Variants in ANKRD6 observed in about 807,000 individuals in gnomAD.
ANKRD6 encodes ankyrin repeat domain 6.
A neutral mutation model predicts 82.3 loss-of-function variants in ANKRD6; 56 were observed. That is an observed-to-expected ratio of 0.68 (90% CI 0.55 to 0.85). The LOEUF is 0.85. Ranked by LOEUF, ANKRD6 falls within the 40% of genes least tolerant of loss-of-function variation. The pLI, the probability that ANKRD6 is intolerant of heterozygous loss-of-function variation, is 0.00. For missense variants in ANKRD6, 852 were observed against 907.6 expected, an observed-to-expected ratio of 0.94 and a Z score of 0.79; for synonymous variants, 347 against 352.1, an observed-to-expected ratio of 0.99 and a Z score of 0.16.
chr6:89,564,619 C>A (rs886747193), intron 1 of ANKRD6, among the ~76,000 whole-genome samples: 3 of 152,130 alleles, frequency 2.0e-5, no homozygotes, highest in Non-Finnish European at 4.4e-5. Context: ...GGAGGCTGCA[C>A]AGCACTGCTG....
rs1807536305 is a variant in ANKRD6 at position 89,632,214 on chromosome 6, A to G, written c.*1210A>G. On this transcript the variant is annotated 3_prime_UTR_variant, in exon 16 of 16. Transcript: ENST00000339746. ...GACTATTGAACGTAATTGTAATAAA[A>G]TGCTGCTCATTGAGCCAAAGAGAAG... The G allele has an allele frequency of 6.6e-6, 1 of 152,210 alleles. No homozygotes were observed. The highest frequency in any genetic ancestry group is 2.4e-5 in the African/African-American group (1 of 41,460). 9.4% of individuals were successfully genotyped at this position (152,210 alleles called of 1,614,324 possible). A position where few individuals can be genotyped will look rare whatever the true frequency, so the allele number is the denominator to read the frequency against.
chr6:89,534,847 C>G (rs1783628392), intron 1 of ANKRD6, among the ~76,000 whole-genome samples: 1 of 152,158 alleles, frequency 6.6e-6, no homozygotes, highest in Non-Finnish European at 1.5e-5. Flanking sequence ...CTGTGGAGTT[C>G]AGGGAGAGAG....
chr6:89,541,387 CTTTTTTTTTTT>C (rs58643589), intron 1 of ANKRD6, among the ~76,000 whole-genome samples: 5 of 64,074 alleles, frequency 7.8e-5, no homozygotes, highest in African/African-American at 2.0e-4. Flanking sequence ...TTACGTGTGG[CTTTTTTTTTTT>C]TTTTTTTTTT....
chr6:89,612,155 G>A, intron 5 of ANKRD6, 117 bp from the exon 6 acceptor site: 1 of 855,816 alleles, frequency 1.2e-6, no homozygotes, highest in East Asian at 2.8e-5. Context: ...CGGGCAAGAG[G>A]CAGAGAATGT....
Position 89,454,281 on chromosome 6 carries a change from A to G in ANKRD6, c.-144+20906A>G, listed in dbSNP as rs1363435073. 2.0e-5 allele frequency among the ~76,000 whole-genome samples: 3 copies of G among 151,576 alleles called. No homozygotes were observed. The East Asian group carries it at 5.8e-4, about 30-fold the overall frequency. ...TGGTCAGCTATTTCTTCTATATGTA[A>G]CTCTGTTTACATTCTTTTCATATTT... On this transcript the variant is annotated intron_variant, in intron 1 of 15. Coordinates refer to ENST00000339746, the MANE Select transcript of ANKRD6 (RefSeq NM_001242809.2).
At chr6:89,538,510 AC>A (rs1480296022) in intron 1 of ANKRD6, among the ~76,000 whole-genome samples, 5 of 152,240 alleles carry the variant, frequency 3.3e-5, no homozygotes, top group Non-Finnish European at 5.9e-5. Context: ...AGAAGCATGC[AC>A]CATAATGTAA....
At chr6:89,611,149 T>C (rs1800137316) in intron 5 of ANKRD6, among the ~76,000 whole-genome samples, 1 of 150,682 alleles carries the variant, frequency 6.6e-6, no homozygotes, top group Admixed American at 6.6e-5. Context: ...ATAAGCAAAC[T>C]GGCCGCATCC....
At chr6:89,456,307 T>C (rs1211228029) in intron 1 of ANKRD6, among the ~76,000 whole-genome samples, 1 of 152,210 alleles carries the variant, frequency 6.6e-6, no homozygotes, top group East Asian at 1.9e-4. Context: ...TGTCACTCTC[T>C]ATCTTAGTTT....
chr6:89,608,973 A>C (rs1360345672), intron 5 of ANKRD6, among the ~76,000 whole-genome samples: 2 of 152,046 alleles, frequency 1.3e-5, no homozygotes, highest in Admixed American at 1.3e-4. Context: ...CCCCTAGAGC[A>C]CCTCCTGTGC....
Position 89,596,019 on chromosome 6 carries a change from G to A in ANKRD6, c.219+5G>A. 6.2e-7 allele frequency: 1 copy of A among 1,602,262 alleles called. No homozygotes were observed. Among genetic ancestry groups the A allele is most frequent in the South Asian group, 1.1e-5 (1 of 88,564 alleles). On this transcript the variant is annotated splice_donor_5th_base_variant and intron_variant, in intron 3 of 15. Transcript: ENST00000339746. ...GACCTTGATGTCCAGGATGATGTGA[G>A]TAGAAGCCATCATTCTATCAGGCTG...
intron 1 of ANKRD6, among the ~76,000 whole-genome samples, chr6:89,435,861 A>G (rs371980684): frequency 1.3e-5 from 2 of 152,208 alleles, no homozygotes; most frequent in South Asian, 2.1e-4. Flanking sequence ...TAACAACCCA[A>G]ATTCCTCTTC....
At chr6:89,610,837 G>A (rs544497081) in intron 5 of ANKRD6, among the ~76,000 whole-genome samples, 1 of 151,478 alleles carries the variant, frequency 6.6e-6, no homozygotes, top group African/African-American at 2.4e-5. Context: ...CAGGCCTGGG[G>A]TGATGGACTG....
At position 89,624,586 on chromosome 6, in the gene ANKRD6, G is replaced by A. The variant is rs1402711967; in HGVS notation, c.1266G>A (p.Glu422=). The A allele has an allele frequency of 6.4e-7, 1 of 1,558,678 alleles. No homozygotes were observed. Among genetic ancestry groups the A allele is most frequent in the South Asian group, 1.2e-5 (1 of 84,388 alleles). The change falls in exon 13 of 16, where the codon GAG becomes GAA. Residue 422 remains glutamate, a synonymous_variant. Coordinates refer to ENST00000339746, the MANE Select transcript of ANKRD6 (RefSeq NM_001242809.2). ...CRCEPLINKL[E]NQLEATVEEI... is the part of the protein sequence containing the mutation. ...GTGAACCTCTAATCAACAAGCTGGA[G>A]AATCAGTTGGAGGCTACTGTGGAGG...
chr6:89,478,798 A>AT (rs1562594608), intron 1 of ANKRD6, among the ~76,000 whole-genome samples: 3 of 151,682 alleles, frequency 2.0e-5, no homozygotes, highest in East Asian at 1.9e-4. Flanking sequence ...TTAAAAAAAA[A>AT]ATTTTTTTAA....
At chr6:89,549,445 A>G (rs1264691786) in intron 1 of ANKRD6, among the ~76,000 whole-genome samples, 1 of 151,136 alleles carries the variant, frequency 6.6e-6, no homozygotes, top group Non-Finnish European at 1.5e-5. Context: ...TGATACAACA[A>G]GAAGGCCCTT....
intron 6 of ANKRD6, among the ~76,000 whole-genome samples, chr6:89,612,934 G>A (rs1039835212): frequency 4.6e-5 from 7 of 152,180 alleles, no homozygotes; most frequent in South Asian, 4.1e-4. Flanking sequence ...ATAAATCTGA[G>A]GCTTCTTTCT....
chr6:89,493,062 A>T (rs1778192024), intron 1 of ANKRD6, among the ~76,000 whole-genome samples: 1 of 152,230 alleles, frequency 6.6e-6, no homozygotes, highest in African/African-American at 2.4e-5. Flanking sequence ...GTGTGAATAT[A>T]TGGCTCCATA....
At chr6:89,605,795 T>C (rs1322683785) in intron 4 of ANKRD6, among the ~76,000 whole-genome samples, 1 of 152,202 alleles carries the variant, frequency 6.6e-6, no homozygotes, top group Non-Finnish European at 1.5e-5. Flanking sequence ...TTCTCTTCTG[T>C]GCATCTAGAA....
rs189765046 is a variant in ANKRD6 at position 89,627,183 on chromosome 6, A to G, written c.1372-400A>G. On this transcript the variant is annotated intron_variant, in intron 13 of 15. Transcript: ENST00000339746. ...ATGATTCTCCTGCCTCAGCCTCCCA[A>G]GTAGCTGGGACTACAGGCATGTGCC... 3.2e-3 allele frequency among the ~76,000 whole-genome samples: 488 copies of G among 151,856 alleles called. 1 individual carries two copies. Among genetic ancestry groups the G allele is most frequent in the African/African-American group, 0.011 (468 of 41,350 alleles).
Sources: gnomAD v4.1 joint callset for allele counts (sites outside exome capture counted in the v4.1 genomes callset) on GRCh38, gnomAD v4.1.1 for gene constraint, MANE v1.5 for transcripts, NCBI Gene and HGNC (gene_info 2026-07-23, HGNC 2026-07-21) for gene names.